EVL: variants seen among roughly 807,000 people sequenced by gnomAD.
EVL encodes the protein ena/VASP-like protein.
In EVL, 21 loss-of-function variants were observed where a neutral mutation model predicts 59.6. The ratio of observed to expected loss-of-function variants is 0.35; its 90% CI spans 0.25 to 0.51. The LOEUF (loss-of-function observed/expected upper bound fraction) is 0.51, where lower values mean the gene tolerates loss of function less well. Ranked by LOEUF, EVL falls within the 20% of genes least tolerant of loss-of-function variation. The pLI, the probability that EVL is intolerant of heterozygous loss-of-function variation, is 0.97. For missense variants in EVL, 462 were observed against 546.6 expected (o/e 0.85, Z 1.54); for synonymous variants, 198 against 203.5 (o/e 0.97, Z 0.23).
At chr14:99,991,244 A>G (rs1413076142) in intron 1 of EVL, among the ~76,000 whole-genome samples, 1 of 152,168 alleles carries the variant, frequency 6.6e-6, no homozygotes, top group Non-Finnish European at 1.5e-5. Context: ...AGCTTATTTT[A>G]ATTTAACCCT....
At chr14:100,124,038 A>G (rs924060076) in intron 4 of EVL, among the ~76,000 whole-genome samples, 1 of 152,226 alleles carries the variant, frequency 6.6e-6, no homozygotes, top group South Asian at 2.1e-4. Context: ...TGGAGCTTCT[A>G]AAGTGTTACC....
intron 1 of EVL, among the ~76,000 whole-genome samples, chr14:100,027,549 C>T (rs1340061785): frequency 6.6e-6 from 1 of 152,156 alleles, no homozygotes; most frequent in Non-Finnish European, 1.5e-5. Context: ...TAATGTCCTC[C>T]AGTTTCATCT....
At chr14:100,133,163 TTTA>T (rs1690166515) in intron 8 of EVL, among the ~76,000 whole-genome samples, 2 of 152,160 alleles carry the variant, frequency 1.3e-5, no homozygotes. Flanking sequence ...CAGAGAGGTT[TTTA>T]TTTTCAAATT....
chr14:100,078,812 A>C (rs1247707392), intron 1 of EVL, among the ~76,000 whole-genome samples: 2 of 152,194 alleles, frequency 1.3e-5, no homozygotes, highest in Non-Finnish European at 2.9e-5. Flanking sequence ...CCTCCTAGGA[A>C]ACCCTTCTGT....
chr14:100,008,148 A>G (rs1310703225), intron 1 of EVL, among the ~76,000 whole-genome samples: 3 of 152,146 alleles, frequency 2.0e-5, no homozygotes, highest in Non-Finnish European at 4.4e-5. Flanking sequence ...TAGAATCCCC[A>G]GGAGGGCTTG....
intron 1 of EVL, among the ~76,000 whole-genome samples, chr14:100,040,485 G>A (rs916669325): frequency 2.0e-5 from 3 of 152,118 alleles, no homozygotes; most frequent in African/African-American, 4.8e-5. Context: ...GTGGCTGCTC[G>A]TCTGCCCCTC....
At chr14:99,980,819 G>A (rs989524162) in intron 1 of EVL, among the ~76,000 whole-genome samples, 6 of 152,158 alleles carry the variant, frequency 3.9e-5, no homozygotes, top group African/African-American at 1.2e-4. Context: ...AATTTGAGCG[G>A]CATCATTGAT....
rs763658067 is a variant in EVL, at chr14:100,137,787, C to T, written c.1079C>T (p.Ser360Leu). 6.8e-6 allele frequency: 11 copies of T among 1,613,998 alleles called. No homozygotes were observed. The highest frequency in any genetic ancestry group is 1.1e-5 in the South Asian group (1 of 91,090). ...KSPEAKSPLQ[S>L]QPHSRMKPAG... is the part of the protein sequence containing the mutation. The stretch of plus-strand genomic sequence containing the variant: ...CCCGAAGCTAAGAGCCCCCTTCAGT[C>T]GCAGCCTCACTCTAGGTACCGAACA... The change falls in exon 11 of 14, where the codon TCG (serine) becomes TTG (leucine). Residue 360 changes from serine to leucine, a missense_variant. Physicochemically the swap from Ser to Leu is moderately radical, Grantham distance 145. Transcript: ENST00000392920.
chr14:100,046,853 C>T (rs186430507), intron 1 of EVL, among the ~76,000 whole-genome samples: 2,647 of 149,806 alleles, frequency 0.018, 35 homozygotes, highest in Non-Finnish European at 0.026. Context: ...CCTGGGTTCA[C>T]GCCATTCTCC....
chr14:100,042,611 A>G (rs1326971760), intron 1 of EVL, among the ~76,000 whole-genome samples: 1 of 152,100 alleles, frequency 6.6e-6, no homozygotes, highest in Non-Finnish European at 1.5e-5. Context: ...CACTGTGCCC[A>G]GGGCCAGTTC....
At chr14:100,020,065 G>A (rs2061094299) in intron 1 of EVL, among the ~76,000 whole-genome samples, 2 of 152,170 alleles carry the variant, frequency 1.3e-5, no homozygotes, top group African/African-American at 4.8e-5. Flanking sequence ...GCAGTCTACT[G>A]CTCTTTTTAA....
intron 1 of EVL, among the ~76,000 whole-genome samples, chr14:100,080,738 T>C (rs531211757): frequency 6.6e-6 from 1 of 152,260 alleles, no homozygotes; most frequent in African/African-American, 2.4e-5. Flanking sequence ...GCCTGTTAGA[T>C]CCCAGGGGGG....
intron 1 of EVL, among the ~76,000 whole-genome samples, chr14:100,032,563 A>G (rs1292163705): frequency 6.6e-6 from 1 of 152,148 alleles, no homozygotes; most frequent in African/African-American, 2.4e-5. Flanking sequence ...GGAGCCCTCC[A>G]TGGTCTGGCT....
intron 3 of EVL, chr14:100,105,890 C>G (rs1003222147): frequency 3.9e-5 from 6 of 152,260 alleles, no homozygotes; most frequent in Non-Finnish European, 8.8e-5. Context: ...GTCTGAAACT[C>G]TGCAGAAAGT....
intron 1 of EVL, among the ~76,000 whole-genome samples, chr14:100,033,918 C>T (rs554001877): frequency 1.5e-4 from 23 of 152,010 alleles, no homozygotes; most frequent in Non-Finnish European, 3.2e-4. Context: ...ACAAGAAGTC[C>T]TGTGGTCAGT....
intron 11 of EVL, 168 bp downstream of exon 11, chr14:100,137,970 A>T (rs902418971): frequency 1.5e-6 from 1 of 651,200 alleles, no homozygotes; most frequent in Non-Finnish European, 2.7e-6. Context: ...CCTGTCAGTC[A>T]GCTGCTCCGT....
In EVL at chr14:100,135,803, T is replaced by C. The variant is rs1888744075; in HGVS notation, c.901-102T>C. On this transcript the variant is annotated intron_variant, in intron 8 of 13. Transcript: ENST00000392920. ...TAATTATAAAAGTCATATGTGTTCA[T>C]TGGGAACATTTGGAAAACTGAGGTT... 8 of 1,022,668 alleles carry C rather than the reference T, an allele frequency of 7.8e-6. 1 individual carries two copies. Among genetic ancestry groups the C allele is most frequent in the South Asian group, 6.6e-5 (5 of 75,960 alleles). 63.3% of individuals were successfully genotyped at this position (1,022,668 alleles called of 1,614,324 possible). A position where few individuals can be genotyped will look rare whatever the true frequency, so the allele number is the denominator to read the frequency against.
intron 1 of EVL, among the ~76,000 whole-genome samples, chr14:100,069,084 T>G (rs1414044020): frequency 6.6e-6 from 1 of 152,190 alleles, no homozygotes; most frequent in Non-Finnish European, 1.5e-5. Flanking sequence ...AAGGCAGGGA[T>G]TTTCGCCTAT....
chr14:100,061,504 C>T (rs1418240734), upstream of EVL, among the ~76,000 whole-genome samples: 1 of 140,042 alleles, frequency 7.1e-6, no homozygotes, highest in Non-Finnish European at 1.5e-5. Context: ...TTCAAGTGCT[C>T]GGGGATGGAT....
Sources: gnomAD v4.1 joint callset for allele counts (sites outside exome capture counted in the v4.1 genomes callset) on GRCh38, gnomAD v4.1.1 for gene constraint, MANE v1.5 for transcripts, NCBI Gene and HGNC (gene_info 2026-07-23, HGNC 2026-07-21) for gene names.